Variants in MLXIP observed in about 807,000 individuals in gnomAD.
MLXIP encodes the protein MLX interacting protein.
MLXIP carries 30 observed loss-of-function variants against 87.2 expected under a neutral mutation model. The ratio of observed to expected loss-of-function variants is 0.34; its 90% CI spans 0.26 to 0.47. The LOEUF is 0.47. Among genes scored for constraint, MLXIP ranks in the 20% least tolerant of loss-of-function variants. The pLI, the probability that MLXIP is intolerant of heterozygous loss-of-function variation, is 1.00. For missense variants in MLXIP, 1,002 were observed against 1,240.1 expected (o/e 0.81, Z 2.88); for synonymous variants, 530 against 514.0 (o/e 1.03, Z -0.42).
intron 1 of MLXIP, among the ~76,000 whole-genome samples, chr12:122,093,891 A>ATG (rs1198698911): frequency 4.4e-5 from 3 of 68,658 alleles, no homozygotes; most frequent in Admixed American, 1.7e-4. Context: ...GTGTGTTGGC[A>ATG]TGTGTGTGTG....
At chr12:122,108,162 G>T (rs1278282594) in intron 1 of MLXIP, among the ~76,000 whole-genome samples, 1 of 152,018 alleles carries the variant, frequency 6.6e-6, no homozygotes, top group Non-Finnish European at 1.5e-5. Context: ...GAGTTCAAGA[G>T]ATCAAGACCA....
rs367707226 is a variant in MLXIP, at chr12:122,130,218, G to C, written c.910+106G>C. On this transcript the variant is annotated intron_variant, in intron 6 of 16. Transcript: ENST00000319080. ...CAGGGCCATCTCTGAGCTGCTGCAC[G>C]TCACGGTTGGGGGCAGGCAGTAAGG... The C allele has an allele frequency of 3.2e-4, 379 of 1,186,722 alleles. 1 individual carries two copies. In the East Asian group the frequency reaches 9.0e-3, roughly 28 times the overall value. 73.5% of individuals were successfully genotyped at this position (1,186,722 alleles called of 1,614,324 possible). A position where few individuals can be genotyped will look rare whatever the true frequency, so the allele number is the denominator to read the frequency against.
In MLXIP at chr12:122,143,085, AG is replaced by A. The variant is rs1183716531; in HGVS notation, c.*1276del. ...CTCCAGCACTCAGGAAGCCCGGCCG[AG>A]GGTACCTCCTCGTGGAAAGAATGCA... On this transcript the variant is annotated 3_prime_UTR_variant, in exon 17 of 17. Transcript: ENST00000319080. 6.6e-6 allele frequency: 1 copy of A among 152,402 alleles called. No individual in the cohort carries two copies. The highest frequency in any genetic ancestry group is 1.9e-4 in the East Asian group (1 of 5,194). The allele number at this position is 152,402 out of a possible 1,614,324, so 9.4% of individuals were successfully genotyped here.
rs1158089983 is a variant in MLXIP, at chr12:122,144,490, C to G, written c.*2678C>G. 6.6e-6 allele frequency: 1 copy of G among 151,898 alleles called. No individual in the cohort carries two copies. Among genetic ancestry groups the G allele is most frequent in the Non-Finnish European group, 1.5e-5 (1 of 68,086 alleles). The allele number at this position is 151,898 out of a possible 1,614,324, so 9.4% of individuals were successfully genotyped here. Reference sequence around the variant, plus strand: ...TGCCTGTGGTCCCAGCTACTTGGGCCTGAGGCTGGAGGATTGCTTGAGCCT... The same window carrying G: ...TGCCTGTGGTCCCAGCTACTTGGGCGTGAGGCTGGAGGATTGCTTGAGCCT... On this transcript the variant is annotated 3_prime_UTR_variant, in exon 17 of 17. Coordinates refer to ENST00000319080, the MANE Select transcript of MLXIP (RefSeq NM_014938.6).
chr12:122,083,777 G>T (rs187157025), intron 1 of MLXIP, among the ~76,000 whole-genome samples: 5 of 152,334 alleles, frequency 3.3e-5, no homozygotes, highest in African/African-American at 9.6e-5. Flanking sequence ...AGGGCTAAAG[G>T]TTAGAGCACT....
Position 122,079,151 on chromosome 12 carries a change from G to T in MLXIP, c.298G>T (p.Asp100Tyr). Reference sequence around the variant, plus strand: ...CCCGCCCAAGAAGGGCTACGATTTCGACACGGTCAACAAACAGACGTGCCA... The same window carrying T: ...CCCGCCCAAGAAGGGCTACGATTTCTACACGGTCAACAAACAGACGTGCCA... ...EHPPKKGYDF[D>Y]TVNKQTCQTY... Residue 100 changes from aspartate (D) to tyrosine (Y), a missense_variant, in exon 1 of 17, where the codon GAC becomes TAC. Physicochemically the swap from Asp to Tyr is radical, Grantham distance 160. Around this residue, in one of 3 missense-constraint regions of MLXIP, gnomAD observed 127 missense variants for 239.0 expected, o/e 0.53. Transcript: ENST00000319080. 1 of 1,550,734 alleles carries T rather than the reference G, an allele frequency of 6.4e-7. No individual in the cohort carries two copies. Among genetic ancestry groups the T allele is most frequent in the Non-Finnish European group, 8.7e-7 (1 of 1,146,768 alleles).
chr12:122,128,147 T>C, intron 3 of MLXIP, 179 bp downstream of exon 3: 4 of 588,246 alleles, frequency 6.8e-6, no homozygotes, highest in South Asian at 1.9e-5. Flanking sequence ...AACCCCAGGC[T>C]GCAGAGCCTC....
chr12:122,128,871 C>T (rs1423119745), intron 3 of MLXIP: 3 of 451,738 alleles, frequency 6.6e-6, no homozygotes, highest in Non-Finnish European at 1.2e-5. Flanking sequence ...CTGCTCTCAC[C>T]CTGTCCTCCT....
intron 15 of MLXIP, among the ~76,000 whole-genome samples, chr12:122,139,451 G>A (rs565975862): frequency 1.4e-3 from 208 of 152,316 alleles, no homozygotes; most frequent in African/African-American, 4.5e-3. Flanking sequence ...GTGGCAGCAC[G>A]GCTCTCACGG....
intron 1 of MLXIP, among the ~76,000 whole-genome samples, chr12:122,113,715 C>T (rs1371942783): frequency 3.7e-5 from 4 of 108,322 alleles, no homozygotes; most frequent in Admixed American, 1.2e-4. Flanking sequence ...GACGGAGTCT[C>T]GCTCTGTCGC....
At position 122,127,961 on chromosome 12, in the gene MLXIP, G is replaced by A; in HGVS notation, c.599G>A (p.Arg200Gln). The stretch of plus-strand genomic sequence containing the variant: ...TCTGTGGACGTAGACGAGCACCGCC[G>A]GCCGGAGGTACTTGGCAGTGACCAA... ...DGSVDVDEHR[R>Q]PEAITTEGKY... The change falls in exon 3 of 17, where the codon CGG becomes CAG. Residue 200 changes from arginine (R) to glutamine (Q), a missense_variant. By Grantham distance (43) the Arg-to-Gln change is conservative (BLOSUM62 1). Coordinates refer to ENST00000319080, the MANE Select transcript of MLXIP (RefSeq NM_014938.6). 5.0e-6 allele frequency: 8 copies of A among 1,613,350 alleles called. No individual in the cohort carries two copies. Among genetic ancestry groups the A allele is most frequent in the Non-Finnish European group, 5.9e-6 (7 of 1,179,642 alleles).
chr12:122,126,335 C>A (rs932973921), intron 1 of MLXIP, among the ~76,000 whole-genome samples: 2 of 152,198 alleles, frequency 1.3e-5, no homozygotes, highest in African/African-American at 4.8e-5. Flanking sequence ...TGTGCAGACA[C>A]TACTACATAA....
Position 122,144,996 on chromosome 12 carries a change from C to CCTGCA in MLXIP, c.*3194_*3198dup, listed in dbSNP as rs1953274986. 2 of 152,270 alleles carry CCTGCA rather than the reference C, an allele frequency of 1.3e-5. No individual in the cohort carries two copies. The highest frequency in any genetic ancestry group is 4.8e-5 in the African/African-American group (2 of 41,460). 9.4% of individuals were successfully genotyped at this position (152,270 alleles called of 1,614,324 possible). A position where few individuals can be genotyped will look rare whatever the true frequency, so the allele number is the denominator to read the frequency against. Reference sequence around the variant, plus strand: ...GATAAATTGCCCTGTGCTGTCAGCCCCTGCACTGCACTGCTGCCTTCCATG... The same window carrying CCTGCA: ...GATAAATTGCCCTGTGCTGTCAGCCCCTGCACTGCACTGCACTGCTGCCTTCCATG... On this transcript the variant is annotated 3_prime_UTR_variant, in exon 17 of 17. Transcript: ENST00000319080.
intron 1 of MLXIP, among the ~76,000 whole-genome samples, chr12:122,097,525 C>T (rs1221201746): frequency 5.3e-5 from 8 of 151,130 alleles, no homozygotes; most frequent in East Asian, 1.9e-4. Flanking sequence ...GAGGCTGAGG[C>T]GGGAGGATCT....
At chr12:122,124,126 G>A (rs1223027887) in intron 1 of MLXIP, among the ~76,000 whole-genome samples, 1 of 150,736 alleles carries the variant, frequency 6.6e-6, no homozygotes, top group Non-Finnish European at 1.5e-5. Flanking sequence ...AAGGCGTGCT[G>A]CATGAGGGGA....
rs368140671 is a variant in MLXIP, at chr12:122,135,265, G to C, written c.1774G>C (p.Gly592Arg). The C allele has an allele frequency of 3.7e-6, 6 of 1,613,522 alleles. No homozygotes were observed. The African/African-American group carries it at 8.0e-5, about 22-fold the overall frequency. The change falls in exon 10 of 17, where the codon GGG becomes CGG. Residue 592 changes from glycine to arginine, a missense_variant. Physicochemically the swap from Gly to Arg is moderately radical, Grantham distance 125. Around this residue, in one of 3 missense-constraint regions of MLXIP, gnomAD observed 746 missense variants for 897.0 expected, o/e 0.83. Transcript: ENST00000319080. The surrounding 1 kb of genome is among the most constrained non-coding windows in gnomAD (Gnocchi z 5.3). Reference protein sequence around the residue: ...GQPQAVIMTSGPLKREGMLAS... With the variant: ...GQPQAVIMTSRPLKREGMLAS... ...ACCACAAGCGGTGATCATGACGTCA[G>C]GGCCTCTGAAGAGAGAAGGGATGTT...
At chr12:122,111,920 A>C (rs1952611232) in intron 1 of MLXIP, among the ~76,000 whole-genome samples, 1 of 152,226 alleles carries the variant, frequency 6.6e-6, no homozygotes, top group South Asian at 2.1e-4. Flanking sequence ...TGATTTATTA[A>C]ACATAATCCC....
chr12:122,136,882 T>G (rs1219614691), intron 11 of MLXIP: 6 of 151,790 alleles, frequency 4.0e-5, no homozygotes, highest in Admixed American at 3.9e-4. Flanking sequence ...GTCTCCGGAG[T>G]CTCAGAACAC....
Position 122,129,148 on chromosome 12 carries a change from G to T in MLXIP, c.618G>T (p.Thr206=), listed in dbSNP as rs375150609. 2 of 1,609,638 alleles carry T rather than the reference G, an allele frequency of 1.2e-6. No homozygotes were observed. The highest frequency in any genetic ancestry group is 1.7e-6 in the Non-Finnish European group (2 of 1,178,058). Reference sequence around the variant, plus strand: ...TGTCCCTGTCCTAGGCCATCACCACGGAAGGGAAGTACTGGAAGAGCCGCA... The same window carrying T: ...TGTCCCTGTCCTAGGCCATCACCACTGAAGGGAAGTACTGGAAGAGCCGCA... ...DEHRRPEAIT[T]EGKYWKSRIE... is the part of the protein sequence containing the mutation. The change falls in exon 4 of 17, where the codon ACG becomes ACT. Residue 206 remains threonine (T), a synonymous_variant. Coordinates refer to ENST00000319080, the MANE Select transcript of MLXIP (RefSeq NM_014938.6).
Sources: allele counts gnomAD v4.1 joint callset (sites outside exome capture counted in the v4.1 genomes callset), GRCh38; gene constraint gnomAD v4.1.1; regional missense constraint gnomAD v4.1.1; non-coding constraint Gnocchi (gnomAD v3.1); transcripts MANE v1.5; gene names NCBI Gene and HGNC (gene_info 2026-07-23, HGNC 2026-07-21).